Variants in WDR72 observed in about 807,000 individuals in gnomAD.
WDR72 encodes WD repeat domain 72, also known as WD repeat-containing protein 72.
Under a neutral mutation model 124.2 loss-of-function variants are expected in WDR72, and 120 were observed. The ratio of observed to expected loss-of-function variants is 0.97; its 90% CI spans 0.83 to 1.12. The LOEUF (loss-of-function observed/expected upper bound fraction) is 1.12, where lower values mean the gene tolerates loss of function less well. WDR72 is among the 50% of genes most tolerant of loss of function. The pLI, the probability that WDR72 is intolerant of heterozygous loss-of-function variation, is 0.00. For missense variants in WDR72, 1,387 were observed against 1,278.8 expected (o/e 1.08, Z -1.29); for synonymous variants, 452 against 441.7 (o/e 1.02, Z -0.29).
At chr15:53,588,244 C>T (rs1276959624) in intron 18 of WDR72, among the ~76,000 whole-genome samples, 1 of 151,984 alleles carries the variant, frequency 6.6e-6, no homozygotes, top group African/African-American at 2.4e-5. Context: ...AATGAGCACC[C>T]ATCATACACC....
chr15:53,656,152 A>C (rs1252432843), intron 14 of WDR72, among the ~76,000 whole-genome samples: 1 of 152,256 alleles, frequency 6.6e-6, no homozygotes, highest in East Asian at 1.9e-4. Flanking sequence ...GATCATTTTT[A>C]TATCTGACAG....
intron 1 of WDR72, among the ~76,000 whole-genome samples, chr15:53,739,466 G>A (rs2018448773): frequency 6.6e-6 from 1 of 152,186 alleles, no homozygotes; most frequent in Non-Finnish European, 1.5e-5. Context: ...TATAAGAAGA[G>A]GGGGAAGTAG....
In WDR72 at chr15:53,597,106, A is replaced by T. The variant is rs1002144473; in HGVS notation, c.3121T>A (p.Cys1041Ser). ...LEWTEELELQ[C>S]VRNTLPLQTP... is the part of the protein sequence containing the mutation. The stretch of plus-strand genomic sequence containing the variant: ...TGCAGAGGCAAAGTGTTTCTAACAC[A>T]CTGTAACTCTAGTTCTTCTGTCCAT... The change falls in exon 18 of 20, where the codon TGT becomes AGT. Residue 1041 changes from cysteine (C) to serine (S), a missense_variant. By Grantham distance (112) the Cys-to-Ser change is moderately radical (BLOSUM62 -1). Transcript: ENST00000360509. 2 of 1,613,712 alleles carry T rather than the reference A, an allele frequency of 1.2e-6. No homozygotes were observed. Among genetic ancestry groups the T allele is most frequent in the Non-Finnish European group, 1.7e-6 (2 of 1,179,868 alleles).
intron 14 of WDR72, among the ~76,000 whole-genome samples, chr15:53,617,126 T>A (rs554003090): frequency 1.3e-5 from 2 of 152,004 alleles, no homozygotes; most frequent in East Asian, 3.9e-4. Flanking sequence ...AAAATGGTGG[T>A]GTAAATTATA....
intron 18 of WDR72, among the ~76,000 whole-genome samples, chr15:53,540,730 T>G (rs977946375): frequency 7.2e-5 from 11 of 152,010 alleles, no homozygotes; most frequent in African/African-American, 1.9e-4. Context: ...CCATCTGAGG[T>G]ACCGGGTTCA....
chr15:53,656,093 G>C (rs1286573598), intron 14 of WDR72, among the ~76,000 whole-genome samples: 1 of 152,230 alleles, frequency 6.6e-6, no homozygotes, highest in Non-Finnish European at 1.5e-5. Flanking sequence ...TGTGCATGGA[G>C]TTAAATATGT....
intron 14 of WDR72, among the ~76,000 whole-genome samples, chr15:53,617,353 G>A (rs1247703285): frequency 6.6e-6 from 1 of 151,592 alleles, no homozygotes; most frequent in Non-Finnish European, 1.5e-5. Context: ...ATTTAATTGG[G>A]AAGAAGGAAT....
intron 17 of WDR72, among the ~76,000 whole-genome samples, chr15:53,602,039 T>G (rs2013067911): frequency 6.6e-6 from 1 of 152,136 alleles, no homozygotes; most frequent in Non-Finnish European, 1.5e-5. Flanking sequence ...GATTATACAT[T>G]TCTCTCATCA....
chr15:53,662,590 C>T (rs2015643732), intron 14 of WDR72, among the ~76,000 whole-genome samples: 1 of 152,164 alleles, frequency 6.6e-6, no homozygotes, highest in South Asian at 2.1e-4. Flanking sequence ...CACAGGCATA[C>T]TGTCCCTCAT....
intron 14 of WDR72, among the ~76,000 whole-genome samples, chr15:53,659,402 G>A (rs987982004): frequency 6.6e-6 from 1 of 152,088 alleles, no homozygotes; most frequent in Non-Finnish European, 1.5e-5. Flanking sequence ...CATGAAATAG[G>A]AGCATTCTCC....
At chr15:53,730,724 T>C (rs561113) in intron 2 of WDR72, among the ~76,000 whole-genome samples, 9,381 of 152,170 alleles carry the variant, frequency 0.062, 989 homozygotes, top group African/African-American at 0.21. Context: ...TTTTACAGTC[T>C]CTTCTGTCCT....
chr15:53,728,537 T>C (rs2018109679), intron 2 of WDR72, among the ~76,000 whole-genome samples: 1 of 152,330 alleles, frequency 6.6e-6, no homozygotes, highest in Non-Finnish European at 1.5e-5. Context: ...ACAGTGTTGG[T>C]AAATATCAGG....
chr15:53,680,333 A>G (rs59542857), intron 13 of WDR72, among the ~76,000 whole-genome samples: 7,400 of 152,294 alleles, frequency 0.049, 633 homozygotes, highest in African/African-American at 0.17. Flanking sequence ...CAATTCTGTT[A>G]AATTCAATGT....
intron 13 of WDR72, among the ~76,000 whole-genome samples, chr15:53,693,403 A>T (rs988232146): frequency 2.0e-5 from 3 of 152,194 alleles, no homozygotes; most frequent in African/African-American, 7.2e-5. Flanking sequence ...TGTCTTGCAC[A>T]TATTCTACAT....
At chr15:53,616,383 C>A (rs2013768877) in intron 14 of WDR72, 140 bp from the exon 15 acceptor site, 4 of 599,994 alleles carry the variant, frequency 6.7e-6, no homozygotes, top group East Asian at 2.8e-5. Context: ...TTTGTCTTAG[C>A]TATAAAAATT....
At chr15:53,736,195 C>T (rs1429988274) in intron 1 of WDR72, among the ~76,000 whole-genome samples, 2 of 152,120 alleles carry the variant, frequency 1.3e-5, no homozygotes, top group Non-Finnish European at 2.9e-5. Flanking sequence ...CCCTTCTTTG[C>T]TAATTCAGTC....
At chr15:53,735,454 G>C (rs567235355) in intron 1 of WDR72, among the ~76,000 whole-genome samples, 2 of 152,290 alleles carry the variant, frequency 1.3e-5, no homozygotes, top group African/African-American at 4.8e-5. Context: ...AGTAAGAAAA[G>C]TTTTGAAGGT....
At chr15:53,696,962 G>A (rs1330439735) in intron 13 of WDR72, among the ~76,000 whole-genome samples, 4 of 152,166 alleles carry the variant, frequency 2.6e-5, no homozygotes, top group South Asian at 2.1e-4. Flanking sequence ...GAAGAGGCAC[G>A]TCACAAATGT....
chr15:53,578,832 T>C (rs1349054433), intron 18 of WDR72, among the ~76,000 whole-genome samples: 1 of 152,126 alleles, frequency 6.6e-6, no homozygotes, highest in Non-Finnish European at 1.5e-5. Flanking sequence ...CCTTGGTAAT[T>C]TGATAAAGAC....
Sources: gnomAD v4.1 joint callset for allele counts (sites outside exome capture counted in the v4.1 genomes callset) on GRCh38, gnomAD v4.1.1 for gene constraint, MANE v1.5 for transcripts, NCBI Gene and HGNC (gene_info 2026-07-23, HGNC 2026-07-21) for gene names.